The following LINGO2 variants were observed in gnomAD, a reference collection of about 807,000 sequenced individuals.
LINGO2 encodes the protein leucine-rich repeat and immunoglobulin-like domain-containing nogo receptor-interacting protein 2.
Under a neutral mutation model 30.6 loss-of-function variants are expected in LINGO2, and 14 were observed. That is an observed-to-expected ratio of 0.46 (90% CI 0.30 to 0.72). The LOEUF (loss-of-function observed/expected upper bound fraction) is 0.72. LINGO2 is among the 30% of genes least tolerant of loss of function. The pLI, the probability that LINGO2 is intolerant of heterozygous loss-of-function variation, is 0.07. For missense variants in LINGO2, 729 were observed against 751.7 expected, an observed-to-expected ratio of 0.97 and a Z score of 0.35; for synonymous variants, 317 against 288.5, an observed-to-expected ratio of 1.10 and a Z score of -1.00.
chr9:28,380,313 C>T (rs752567456), intron 2 of LINGO2, among the ~76,000 whole-genome samples: 29 of 151,706 alleles, frequency 1.9e-4, no homozygotes, highest in Non-Finnish European at 4.4e-5. Flanking sequence ...TCCATAAGGC[C>T]ACCAGACGCA....
At chr9:28,475,164 A>G (rs1333784254) in intron 2 of LINGO2, among the ~76,000 whole-genome samples, 1 of 152,286 alleles carries the variant, frequency 6.6e-6, no homozygotes, top group Non-Finnish European at 1.5e-5. Context: ...TTTACAGAGT[A>G]TGTGAAAACT....
At chr9:27,982,007 C>T (rs1016549429) in intron 5 of LINGO2, among the ~76,000 whole-genome samples, 17 of 151,972 alleles carry the variant, frequency 1.1e-4, no homozygotes, top group Middle Eastern at 3.4e-3. Context: ...GCAGACACCA[C>T]GCTCTTGTCT....
At chr9:29,091,185 A>T in the LINGO2 span, among the ~76,000 whole-genome samples, 1 of 152,174 alleles carries the variant, frequency 6.6e-6, no homozygotes, top group African/African-American at 2.4e-5. Context: ...GAAATTATCA[A>T]AGGATTATTG....
chr9:28,437,549 GCACACACACA>G (rs58406750), intron 2 of LINGO2, among the ~76,000 whole-genome samples: 22 of 147,684 alleles, frequency 1.5e-4, no homozygotes, highest in African/African-American at 3.5e-4. Flanking sequence ...ACACACAGAC[GCACACACACA>G]CACACACACA....
chr9:28,176,505 T>C (rs936605920), intron 4 of LINGO2, among the ~76,000 whole-genome samples: 2 of 152,170 alleles, frequency 1.3e-5, no homozygotes, highest in African/African-American at 4.8e-5. Flanking sequence ...ATTTCAGTGT[T>C]TGGATTTCCA....
intron 4 of LINGO2, among the ~76,000 whole-genome samples, chr9:28,280,172 T>C (rs72709346): frequency 0.019 from 2,842 of 152,212 alleles, 57 homozygotes; most frequent in African/African-American, 0.045. Context: ...GATGCAAAAG[T>C]AGTGTGCGGA....
chr9:28,027,048 T>C (rs1451439416), intron 4 of LINGO2, among the ~76,000 whole-genome samples: 1 of 152,204 alleles, frequency 6.6e-6, no homozygotes, highest in African/African-American at 2.4e-5. Flanking sequence ...CATGACATTC[T>C]CATTCACTTA....
At chr9:28,465,793 G>A (rs1471635383) in intron 2 of LINGO2, among the ~76,000 whole-genome samples, 1 of 152,016 alleles carries the variant, frequency 6.6e-6, no homozygotes, top group Admixed American at 6.6e-5. Flanking sequence ...GTCAAAAATG[G>A]GTTAAAGATC....
chr9:28,886,880 A>G, the LINGO2 span, among the ~76,000 whole-genome samples: 1 of 152,138 alleles, frequency 6.6e-6, no homozygotes, highest in African/African-American at 2.4e-5. Context: ...ATTAAATGAG[A>G]GAGAAATAAT....
At chr9:28,721,787 G>A in the LINGO2 span, among the ~76,000 whole-genome samples, 1 of 151,588 alleles carries the variant, frequency 6.6e-6, no homozygotes, top group Non-Finnish European at 1.5e-5. Context: ...AAACCTGCAC[G>A]TTCAGCACAT....
chr9:28,556,485 C>T (rs367903506), intron 1 of LINGO2, among the ~76,000 whole-genome samples: 47 of 152,000 alleles, frequency 3.1e-4, no homozygotes, highest in South Asian at 1.0e-3. Flanking sequence ...CACTGCTCAA[C>T]GACATAAAAG....
the LINGO2 span, among the ~76,000 whole-genome samples, chr9:29,129,276 C>T: frequency 6.6e-6 from 1 of 151,986 alleles, no homozygotes; most frequent in Non-Finnish European, 1.5e-5. Context: ...AATAAGAAAC[C>T]TTAAATGATA....
At chr9:28,436,658 C>T (rs955501413) in intron 2 of LINGO2, among the ~76,000 whole-genome samples, 9 of 151,934 alleles carry the variant, frequency 5.9e-5, no homozygotes, top group South Asian at 4.2e-4. Flanking sequence ...GGGGTTTCAC[C>T]GTGTTAGCCA....
intron 4 of LINGO2, among the ~76,000 whole-genome samples, chr9:28,112,097 C>T (rs1291083956): frequency 2.0e-5 from 2 of 98,334 alleles, no homozygotes; most frequent in Non-Finnish European, 4.1e-5. Context: ...GTGTGATATT[C>T]CCCTTCCTGT....
At chr9:28,906,503 T>A in the LINGO2 span, among the ~76,000 whole-genome samples, 3 of 151,908 alleles carry the variant, frequency 2.0e-5, no homozygotes, top group Non-Finnish European at 4.4e-5. Context: ...CTGGCAATGA[T>A]TATTAAGTGA....
intron 4 of LINGO2, among the ~76,000 whole-genome samples, chr9:28,031,180 G>A (rs1823651226): frequency 6.6e-6 from 1 of 151,980 alleles, no homozygotes. Context: ...CTTCCTGGAG[G>A]CCGAGACTAT....
chr9:28,012,451 T>TA (rs1424942692), intron 4 of LINGO2: 3 of 152,098 alleles, frequency 2.0e-5, no homozygotes, highest in African/African-American at 7.2e-5. Context: ...TAGAGTCTTC[T>TA]AGGTTCTAAC....
At chr9:29,094,331 A>T in the LINGO2 span, among the ~76,000 whole-genome samples, 1 of 139,156 alleles carries the variant, frequency 7.2e-6, no homozygotes, top group Non-Finnish European at 1.6e-5. Flanking sequence ...TTATTCTAAC[A>T]AGCTATCACG....
chr9:27,943,212 C>A (rs983750723), downstream of LINGO2: 1 of 152,068 alleles, frequency 6.6e-6, no homozygotes, highest in Non-Finnish European at 1.5e-5. Context: ...AACATGGCAA[C>A]CAAATTTCTG....
Sources: gnomAD v4.1 joint callset for allele counts (sites outside exome capture counted in the v4.1 genomes callset) on GRCh38, gnomAD v4.1.1 for gene constraint, MANE v1.5 for transcripts, NCBI Gene and HGNC (gene_info 2026-07-23, HGNC 2026-07-21) for gene names.